CEP70: variants seen among roughly 807,000 people sequenced by gnomAD.
CEP70 encodes the protein centrosomal protein of 70 kDa.
CEP70 carries 70 observed loss-of-function variants against 90.9 expected under a neutral mutation model. The ratio of observed to expected loss-of-function variants is 0.77; its 90% CI spans 0.64 to 0.94. The LOEUF is 0.94. Among genes scored for constraint, CEP70 ranks in the 40% least tolerant of loss-of-function variants. The pLI, the probability that CEP70 is intolerant of heterozygous loss-of-function variation, is 0.00. For synonymous variants in CEP70, 220 were observed against 228.3 expected, an observed-to-expected ratio of 0.96 and a Z score of 0.33; for missense variants, 648 against 669.0, an observed-to-expected ratio of 0.97 and a Z score of 0.35.
intron 6 of CEP70, among the ~76,000 whole-genome samples, chr3:138,548,644 A>G (rs2039392727): frequency 6.6e-6 from 1 of 152,216 alleles, no homozygotes; most frequent in African/African-American, 2.4e-5. Context: ...AGACACCATG[A>G]ACTACAGTGT....
chr3:138,516,839 A>G (rs773117891), intron 11 of CEP70, among the ~76,000 whole-genome samples: 12 of 152,248 alleles, frequency 7.9e-5, no homozygotes, highest in African/African-American at 1.2e-4. Context: ...TAATGCATAT[A>G]TTAACTCATA....
At chr3:138,564,605 T>C (rs970762089) in intron 6 of CEP70, among the ~76,000 whole-genome samples, 1 of 152,208 alleles carries the variant, frequency 6.6e-6, no homozygotes. Context: ...ACCACATGAT[T>C]ATCTCAATAG....
rs1165609312 is a variant in CEP70 at position 138,532,505 on chromosome 3, T to C, written c.692+9A>G. The C allele has an allele frequency of 6.7e-7, 1 of 1,496,386 alleles. No individual in the cohort carries two copies. Among genetic ancestry groups the C allele is most frequent in the South Asian group, 1.3e-5 (1 of 76,596 alleles). 92.7% of individuals were successfully genotyped at this position (1,496,386 alleles called of 1,614,324 possible). A position where few individuals can be genotyped will look rare whatever the true frequency, so the allele number is the denominator to read the frequency against. ...ACCTTTAAAAACTGTAATACAGGAT[T>C]ACTCGTACCTTTGTGTATGAATTTT... is the stretch of plus-strand genomic sequence containing the variant. On this transcript the variant is annotated intron_variant, in intron 8 of 17. Transcript: ENST00000264982.
In CEP70 at chr3:138,537,320, G is replaced by A. The variant is rs376736429; in HGVS notation, c.493C>T (p.Arg165Ter). 32 of 1,595,488 alleles carry A rather than the reference G, an allele frequency of 2.0e-5. No homozygotes were observed. Among genetic ancestry groups the A allele is most frequent in the African/African-American group, 2.7e-5 (2 of 73,612 alleles). Residue 165 changes from arginine (R) to a stop codon, truncating the protein, a stop_gained, in exon 7 of 18, where the codon CGA becomes TGA. Coordinates refer to ENST00000264982, the MANE Select transcript of CEP70 (RefSeq NM_024491.4). LOFTEE classifies it high-confidence loss of function. ...GCAATAGTTTCTTCTTGCTCCGTTC[G>A]TTTTTTCTTATAATGCTGGCACTTC... ...QVKCQHYKKKRTEQEETIASL... is the reference protein window; with the variant it reads ...QVKCQHYKKK
intron 2 of CEP70, among the ~76,000 whole-genome samples, chr3:138,579,050 CAG>C (rs1318524234): frequency 3.3e-5 from 5 of 152,102 alleles, no homozygotes; most frequent in Admixed American, 2.0e-4. Context: ...CCATGTGGCG[CAG>C]AGAGAGAATC....
chr3:138,499,972 G>T (rs553976247), intron 16 of CEP70, 138 bp downstream of exon 16: 2 of 659,816 alleles, frequency 3.0e-6, no homozygotes, highest in South Asian at 3.8e-5. Context: ...GGGTCTCACT[G>T]CCTTGCTCAG....
intron 11 of CEP70, among the ~76,000 whole-genome samples, chr3:138,514,725 T>C (rs1324400639): frequency 6.6e-6 from 1 of 152,140 alleles, no homozygotes; most frequent in African/African-American, 2.4e-5. Flanking sequence ...AAGTTTTACC[T>C]TGAAAAAATT....
chr3:138,579,999 T>A (rs928358484), intron 2 of CEP70, among the ~76,000 whole-genome samples: 1 of 151,740 alleles, frequency 6.6e-6, no homozygotes, highest in Non-Finnish European at 1.5e-5. Flanking sequence ...GAAAGGTGAG[T>A]CCCAGGCCTG....
intron 2 of CEP70, among the ~76,000 whole-genome samples, chr3:138,580,060 C>T (rs759258711): frequency 3.7e-4 from 57 of 152,090 alleles, no homozygotes; most frequent in Middle Eastern, 6.8e-3. Flanking sequence ...TGAACCTAGG[C>T]GGTACCCTGG....
chr3:138,495,169 A>G (rs376188472), intron 17 of CEP70, 93 bp from the exon 18 acceptor site: 4 of 699,930 alleles, frequency 5.7e-6, no homozygotes, highest in Admixed American at 2.7e-5. Flanking sequence ...GGCAAACCCC[A>G]AACATAAAGG....
At chr3:138,501,473 C>G (rs2034504571) in intron 13 of CEP70, among the ~76,000 whole-genome samples, 1 of 152,178 alleles carries the variant, frequency 6.6e-6, no homozygotes, top group African/African-American at 2.4e-5. Context: ...TAGGGTTAAT[C>G]TCTAAACTAT....
Position 138,494,828 on chromosome 3 carries a change from C to A in CEP70, c.*187G>T. ...AAAGTTAATTACCTTACCCTTGCAACTATTTTCTGTATAAGAATCTCAAAG... is the reference window on the plus strand; with the variant it reads ...AAAGTTAATTACCTTACCCTTGCAAATATTTTCTGTATAAGAATCTCAAAG... On this transcript the variant is annotated 3_prime_UTR_variant, in exon 18 of 18. Transcript: ENST00000264982. 1 of 463,690 alleles carries A rather than the reference C, an allele frequency of 2.2e-6. No homozygotes were observed. The allele number at this position is 463,690 out of a possible 1,614,324, so 28.7% of individuals were successfully genotyped here. A position where few individuals can be genotyped will look rare whatever the true frequency, so the allele number is the denominator to read the frequency against.
intron 6 of CEP70, among the ~76,000 whole-genome samples, chr3:138,554,905 T>C (rs1296707289): frequency 1.3e-5 from 2 of 152,102 alleles, no homozygotes; most frequent in African/African-American, 4.8e-5. Flanking sequence ...GCTGGGATAA[T>C]TGGCACGCCA....
intron 2 of CEP70, among the ~76,000 whole-genome samples, chr3:138,581,001 C>T (rs921736707): frequency 4.0e-5 from 6 of 151,862 alleles, no homozygotes; most frequent in African/African-American, 1.5e-4. Flanking sequence ...GAATAAAAAA[C>T]AGGCCGGGCA....
intron 7 of CEP70, among the ~76,000 whole-genome samples, chr3:138,535,629 T>C (rs549250029): frequency 3.3e-5 from 5 of 152,204 alleles, no homozygotes; most frequent in South Asian, 2.1e-4. Context: ...AAAGTTTGCA[T>C]TGACAAAAAT....
intron 6 of CEP70, 41 bp from the exon 7 acceptor site, chr3:138,537,388 T>C: frequency 1.5e-6 from 2 of 1,331,454 alleles, no homozygotes; most frequent in Non-Finnish European, 2.1e-6. Context: ...GATATGTACA[T>C]CTAGGACATG....
intron 13 of CEP70, 96 bp from the exon 14 acceptor site, chr3:138,500,977 T>G (rs2034458482): frequency 2.4e-6 from 1 of 418,718 alleles, no homozygotes; most frequent in Non-Finnish European, 3.8e-6. Context: ...GTTTTATATA[T>G]TATATGTTTT....
intron 6 of CEP70, among the ~76,000 whole-genome samples, chr3:138,566,804 T>A: frequency 7.8e-6 from 1 of 128,234 alleles, no homozygotes; most frequent in East Asian, 4.4e-4. Context: ...GAACTTAAAG[T>A]ATATATATAT....
rs918398346 is a variant in CEP70 at position 138,530,926 on chromosome 3, C to T, written c.693-1464G>A. On this transcript the variant is annotated intron_variant, in intron 8 of 17. Coordinates refer to ENST00000264982, the MANE Select transcript of CEP70 (RefSeq NM_024491.4). ...TAAACTCCACTCAGTCAATGAATCC[C>T]GAAAAACTCCCTCCTTAGGAGAGAG... 1.8e-5 allele frequency: 14 copies of T among 790,246 alleles called. No homozygotes were observed. The Admixed American group carries it at 1.9e-4, about 11-fold the overall frequency. The allele number at this position is 790,246 out of a possible 1,614,324, so 49.0% of individuals were successfully genotyped here.
Sources: allele counts gnomAD v4.1 joint callset (sites outside exome capture counted in the v4.1 genomes callset), GRCh38; gene constraint gnomAD v4.1.1; transcripts MANE v1.5; gene names NCBI Gene and HGNC (gene_info 2026-07-23, HGNC 2026-07-21).